TSPAN12: variants seen among roughly 807,000 people sequenced by gnomAD.
TSPAN12 encodes the protein tetraspanin 12, also known as tetraspanin-12.
Under a neutral mutation model 39.2 loss-of-function variants are expected in TSPAN12, and 19 were observed. The observed-to-expected ratio is 0.49, with a 90% CI of 0.34 to 0.71. TSPAN12 has a LOEUF of 0.71. Among genes scored for constraint, TSPAN12 ranks in the 30% least tolerant of loss-of-function variants. The pLI is 0.01. For missense variants in TSPAN12, 314 were observed against 359.9 expected (o/e 0.87, Z 1.03); for synonymous variants, 119 against 124.8 (o/e 0.95, Z 0.31).
At chr7:120,841,839 G>A (rs1794584998) in intron 2 of TSPAN12, among the ~76,000 whole-genome samples, 1 of 152,098 alleles carries the variant, frequency 6.6e-6, no homozygotes, top group South Asian at 2.1e-4. Context: ...ATGAATAATT[G>A]GGGATTAATT....
upstream of TSPAN12, chr7:120,858,241 G>A (rs553669141): frequency 1.1e-4 from 17 of 152,426 alleles, no homozygotes; most frequent in African/African-American, 3.4e-4. Flanking sequence ...CACCTCTGCA[G>A]GATAGGGTCC....
At chr7:120,841,892 A>G (rs996971041) in intron 2 of TSPAN12, among the ~76,000 whole-genome samples, 1 of 152,192 alleles carries the variant, frequency 6.6e-6, no homozygotes, top group African/African-American at 2.4e-5. Flanking sequence ...AAATTTTTTC[A>G]TTATTAAGAA....
intron 4 of TSPAN12, among the ~76,000 whole-genome samples, chr7:120,820,525 C>G (rs1345777915): frequency 6.6e-6 from 1 of 152,072 alleles, no homozygotes; most frequent in Non-Finnish European, 1.5e-5. Flanking sequence ...TATTTTACCT[C>G]CTATTCTTTA....
chr7:120,804,455 CCTA>C (rs1414219064), intron 7 of TSPAN12, among the ~76,000 whole-genome samples: 1 of 152,144 alleles, frequency 6.6e-6, no homozygotes, highest in African/African-American at 2.4e-5. Flanking sequence ...CAGACACTAA[CCTA>C]CAACAACTTT....
intron 2 of TSPAN12, among the ~76,000 whole-genome samples, chr7:120,840,350 A>C (rs1794554224): frequency 1.3e-5 from 2 of 152,228 alleles, no homozygotes; most frequent in South Asian, 4.1e-4. Context: ...GGCTGATCCC[A>C]GGTTCAGGAC....
chr7:120,806,074 A>C (rs3823861), intron 7 of TSPAN12, among the ~76,000 whole-genome samples: 89,154 of 151,838 alleles, frequency 0.59, 28,459 homozygotes, highest in South Asian at 0.77. Context: ...TGACATCACT[A>C]ATCATTAGCC....
At chr7:120,839,555 A>G (rs994153505) in intron 3 of TSPAN12, among the ~76,000 whole-genome samples, 1 of 152,234 alleles carries the variant, frequency 6.6e-6, no homozygotes, top group Non-Finnish European at 1.5e-5. Context: ...CAGATGTCAT[A>G]TAATACAATC....
chr7:120,830,698 G>A lies in TSPAN12; in HGVS notation c.285+8079C>T, dbSNP rs80063819. 6.9e-3 allele frequency among the ~76,000 whole-genome samples: 1,050 copies of A among 152,052 alleles called. 10 individuals are homozygous for A. The highest frequency in any genetic ancestry group is 0.023 in the African/African-American group (949 of 41,498). Reference sequence around the variant, plus strand: ...ACCTGAAACTGTAAAACTAGTAGAAGACAATGCATGAGAAGAACTCCAGGA... The same window carrying A: ...ACCTGAAACTGTAAAACTAGTAGAAAACAATGCATGAGAAGAACTCCAGGA... On this transcript the variant is annotated intron_variant, in intron 4 of 7. Transcript: ENST00000222747.
chr7:120,830,726 C>T (rs1213843951), intron 4 of TSPAN12, among the ~76,000 whole-genome samples: 4 of 151,928 alleles, frequency 2.6e-5, no homozygotes, highest in Admixed American at 2.0e-4. Context: ...CTCCAGGACA[C>T]CGATCTGAGC....
intron 4 of TSPAN12, among the ~76,000 whole-genome samples, chr7:120,820,547 T>C (rs1430852007): frequency 6.6e-6 from 1 of 152,100 alleles, no homozygotes; most frequent in African/African-American, 2.4e-5. Flanking sequence ...TTTCTCACTT[T>C]TCTCCCTCCC....
rs576980555 is a variant in TSPAN12, at chr7:120,846,630, A to AC, written c.67-6522dup. Among the ~76,000 whole-genome samples, 104 of 152,328 alleles carry AC rather than the reference A, an allele frequency of 6.8e-4. 3 individuals carry two copies. In the South Asian group the frequency reaches 0.02, roughly 29 times the overall value. ...TCCATTCAAAAATCATATATTGGTC[A>AC]CCCACTCTTTGCCAGGCACTGTGCT... On this transcript the variant is annotated intron_variant, in intron 2 of 7. Coordinates refer to ENST00000222747, the MANE Select transcript of TSPAN12 (RefSeq NM_012338.4).
chr7:120,810,628 A>T (rs1793962381), intron 5 of TSPAN12, 58 bp from the exon 6 acceptor site: 4 of 640,960 alleles, frequency 6.2e-6, no homozygotes, highest in African/African-American at 2.3e-5. Flanking sequence ...ACAGATTCAC[A>T]CACACACACA....
intron 5 of TSPAN12, among the ~76,000 whole-genome samples, chr7:120,812,453 G>A (rs1794000227): frequency 6.6e-6 from 1 of 152,150 alleles, no homozygotes; most frequent in Admixed American, 6.6e-5. Context: ...AAGGAAAAAA[G>A]GGAGACATGA....
intron 4 of TSPAN12, among the ~76,000 whole-genome samples, chr7:120,828,945 G>T (rs928442749): frequency 6.6e-6 from 1 of 151,786 alleles, no homozygotes; most frequent in Non-Finnish European, 1.5e-5. Flanking sequence ...TAAATCTTTA[G>T]AATTGTATTC....
intron 7 of TSPAN12, among the ~76,000 whole-genome samples, chr7:120,804,591 A>T (rs966938938): frequency 6.6e-6 from 1 of 152,316 alleles, no homozygotes; most frequent in East Asian, 1.9e-4. Flanking sequence ...CATGACAAAA[A>T]GTATTCTGAT....
At chr7:120,810,671 C>T (rs1461482657) in intron 5 of TSPAN12, 101 bp from the exon 6 acceptor site, 8 of 759,338 alleles carry the variant, frequency 1.1e-5, no homozygotes, top group East Asian at 2.5e-5. Context: ...CACGCATACT[C>T]GGAATGTCTT....
At chr7:120,818,612 C>T (rs1794129511) in intron 4 of TSPAN12, among the ~76,000 whole-genome samples, 1 of 152,062 alleles carries the variant, frequency 6.6e-6, no homozygotes, top group African/African-American at 2.4e-5. Context: ...TAGTTTTAAT[C>T]TGCTTCCTTC....
chr7:120,852,898 G>T (rs544711895), intron 2 of TSPAN12, among the ~76,000 whole-genome samples: 1 of 151,992 alleles, frequency 6.6e-6, no homozygotes, highest in African/African-American at 2.4e-5. Flanking sequence ...CTATTTTATG[G>T]GTCTATTATG....
At chr7:120,830,813 C>T (rs1265549268) in intron 4 of TSPAN12, among the ~76,000 whole-genome samples, 2 of 151,862 alleles carry the variant, frequency 1.3e-5, no homozygotes, top group African/African-American at 4.8e-5. Context: ...TATTAAACTA[C>T]CAAGCTTCTG....
Sources: allele counts gnomAD v4.1 joint callset (sites outside exome capture counted in the v4.1 genomes callset), GRCh38; gene constraint gnomAD v4.1.1; transcripts MANE v1.5; gene names NCBI Gene and HGNC (gene_info 2026-07-23, HGNC 2026-07-21).